The following RBFOX3 variants were observed in gnomAD, a reference collection of about 807,000 sequenced individuals.
RBFOX3 encodes RNA binding protein fox-1 homolog 3.
In RBFOX3, 17 loss-of-function variants were observed where a neutral mutation model predicts 48.7. The observed-to-expected ratio is 0.35, with a 90% CI of 0.24 to 0.52. The LOEUF (loss-of-function observed/expected upper bound fraction) is 0.52. Among genes scored for constraint, RBFOX3 ranks in the 20% least tolerant of loss-of-function variants. The probability of loss-of-function intolerance (pLI) is 0.94; values close to 1 mark genes in which losing one functional copy is unlikely to be tolerated. For missense variants in RBFOX3, 382 were observed against 497.5 expected (o/e 0.77, Z 2.21); for synonymous variants, 212 against 209.5 (o/e 1.01, Z -0.10).
chr17:79,413,828 A>G (rs1414768082), intron 2 of RBFOX3, among the ~76,000 whole-genome samples: 3 of 152,218 alleles, frequency 2.0e-5, no homozygotes, highest in Non-Finnish European at 4.4e-5. Flanking sequence ...GCCACAGGGC[A>G]GGCGGCTGCC....
chr17:79,166,839 G>A (rs56722191), intron 4 of RBFOX3, among the ~76,000 whole-genome samples: 26,324 of 152,198 alleles, frequency 0.17, 3,583 homozygotes, highest in African/African-American at 0.38. Context: ...CGGGTTTCTG[G>A]GATGGTTGCA....
chr17:79,395,748 C>T (rs545022995), intron 2 of RBFOX3, among the ~76,000 whole-genome samples: 1 of 152,368 alleles, frequency 6.6e-6, no homozygotes, highest in East Asian at 1.9e-4. Context: ...AGGTCAACAA[C>T]AGCAAGTGGC....
At chr17:79,130,123 C>T (rs1467631720) in intron 4 of RBFOX3, among the ~76,000 whole-genome samples, 3 of 152,214 alleles carry the variant, frequency 2.0e-5, no homozygotes, top group Non-Finnish European at 4.4e-5. Context: ...CATTCTGTCC[C>T]CTGACAGCAG....
rs1260024897 is a variant in RBFOX3 at position 79,243,574 on chromosome 17, G to A, written c.-73-7769C>T. Among the ~76,000 whole-genome samples, 1 of 152,130 alleles carries A rather than the reference G, an allele frequency of 6.6e-6. No individual in the cohort carries two copies. The highest frequency in any genetic ancestry group is 1.5e-5 in the Non-Finnish European group (1 of 68,020). On this transcript the variant is annotated intron_variant, in intron 3 of 14. Coordinates refer to ENST00000693108, the MANE Select transcript of RBFOX3 (RefSeq NM_001350451.2). The surrounding 1 kb of genome is among the most constrained non-coding windows in gnomAD (Gnocchi z 7.9). ...CTGTCTGGTGGGATGAGGTCTGCAG[G>A]CACCTGGCTGCCCTCAGGTGGGAGG...
intron 3 of RBFOX3, among the ~76,000 whole-genome samples, chr17:79,261,033 C>A (rs2065674679): frequency 6.6e-6 from 1 of 152,296 alleles, no homozygotes; most frequent in Middle Eastern, 3.4e-3. Flanking sequence ...CCCACCCTAG[C>A]TGTTCCTCGC....
chr17:79,126,857 G>A (rs540431403), intron 4 of RBFOX3, among the ~76,000 whole-genome samples: 2 of 152,302 alleles, frequency 1.3e-5, no homozygotes, highest in African/African-American at 4.8e-5. Flanking sequence ...CCTCAGAACA[G>A]CTCTGCCACT....
chr17:79,228,357 T>C (rs1028131845), intron 4 of RBFOX3, among the ~76,000 whole-genome samples: 1 of 151,954 alleles, frequency 6.6e-6, no homozygotes, highest in African/African-American at 2.4e-5. Flanking sequence ...CAGGGAGAAA[T>C]TACTCTGCCC....
rs141811996 is a variant in RBFOX3, at chr17:79,140,025, C to T, written c.-33-24277G>A. Among the ~76,000 whole-genome samples, 1,318 of 152,342 alleles carry T rather than the reference C, an allele frequency of 8.7e-3. 22 individuals are homozygous for T. The highest frequency in any genetic ancestry group is 0.03 in the African/African-American group (1,258 of 41,568). ...TGTCTCACTCCCAGGCCCATCTCTC[C>T]TGGTCCCGCGGCCCTGCCAGGCCAC... On this transcript the variant is annotated intron_variant, in intron 4 of 14. Coordinates refer to ENST00000693108, the MANE Select transcript of RBFOX3 (RefSeq NM_001350451.2).
intron 3 of RBFOX3, among the ~76,000 whole-genome samples, chr17:79,255,588 G>A (rs1350607916): frequency 6.6e-6 from 1 of 152,028 alleles, no homozygotes; most frequent in East Asian, 2.0e-4. Flanking sequence ...GCCTTTAATG[G>A]GACACTCCAT....
chr17:79,625,519 G>T, the RBFOX3 span, among the ~76,000 whole-genome samples: 1 of 152,192 alleles, frequency 6.6e-6, no homozygotes, highest in Non-Finnish European at 1.5e-5. Context: ...GGCCAGGCGT[G>T]GTGGCTCACA....
At chr17:79,658,639 C>T in the RBFOX3 span, among the ~76,000 whole-genome samples, 1 of 151,850 alleles carries the variant, frequency 6.6e-6, no homozygotes, top group Non-Finnish European at 1.5e-5. Flanking sequence ...AGCTAAGATG[C>T]AAATGGTCCC....
intron 1 of RBFOX3, among the ~76,000 whole-genome samples, chr17:79,605,879 C>A (rs992819303): frequency 6.6e-6 from 1 of 152,146 alleles, no homozygotes; most frequent in Non-Finnish European, 1.5e-5. Context: ...CCAACCTACA[C>A]GGAAGGAGTG....
At chr17:79,269,032 T>C (rs543669052) in intron 3 of RBFOX3, among the ~76,000 whole-genome samples, 1 of 152,348 alleles carries the variant, frequency 6.6e-6, no homozygotes, top group Non-Finnish European at 1.5e-5. Context: ...ATCTTTGCAG[T>C]TAGCTAAGAT....
At chr17:79,557,171 A>C (rs2143988646) in intron 1 of RBFOX3, among the ~76,000 whole-genome samples, 1 of 147,958 alleles carries the variant, frequency 6.8e-6, no homozygotes, top group Non-Finnish European at 1.5e-5. Flanking sequence ...GGTTGCAATG[A>C]GCCGAGGTCG....
intron 2 of RBFOX3, among the ~76,000 whole-genome samples, chr17:79,354,247 G>A (rs189262525): frequency 1.1e-3 from 164 of 152,280 alleles, no homozygotes; most frequent in South Asian, 2.3e-3. Flanking sequence ...GTGTAAAGAC[G>A]CAGGCCCACC....
chr17:79,623,842 A>AAAAAAAAAAAAAAT, the RBFOX3 span, among the ~76,000 whole-genome samples: 1 of 149,324 alleles, frequency 6.7e-6, no homozygotes, highest in African/African-American at 2.5e-5. Context: ...AAAAAAAAAA[A>AAAAAAAAAAAAAAT]GTGGAGGAGG....
intron 3 of RBFOX3, among the ~76,000 whole-genome samples, chr17:79,285,716 C>A (rs2144641239): frequency 6.6e-6 from 1 of 151,894 alleles, no homozygotes; most frequent in East Asian, 1.9e-4. Flanking sequence ...TGGAGTCTCG[C>A]TCTGTCACCC....
intron 1 of RBFOX3, among the ~76,000 whole-genome samples, chr17:79,573,578 G>A (rs1226983398): frequency 1.3e-5 from 2 of 152,174 alleles, no homozygotes; most frequent in Non-Finnish European, 2.9e-5. Context: ...ACAGGCACCT[G>A]TCCCTTTAAC....
At chr17:79,502,319 G>A (rs1387114480) in intron 1 of RBFOX3, among the ~76,000 whole-genome samples, 4 of 152,162 alleles carry the variant, frequency 2.6e-5, no homozygotes, top group African/African-American at 9.7e-5. Context: ...AATTCATAGA[G>A]AAGGAAAATA....
Sources: gnomAD v4.1 joint callset for allele counts (sites outside exome capture counted in the v4.1 genomes callset) on GRCh38, gnomAD v4.1.1 for gene constraint, Gnocchi (gnomAD v3.1) non-coding constraint, MANE v1.5 for transcripts, NCBI Gene and HGNC (gene_info 2026-07-23, HGNC 2026-07-21) for gene names.